GBP1: variants seen among roughly 807,000 people sequenced by gnomAD.
GBP1 encodes the protein guanylate binding protein 1, also known as guanylate-binding protein 1.
In GBP1, 64 loss-of-function variants were observed where a neutral mutation model predicts 69.5. The observed-to-expected ratio is 0.92, with a 90% confidence interval of 0.75 to 1.13. The LOEUF (loss-of-function observed/expected upper bound fraction) is 1.13. Among genes scored for constraint, GBP1 ranks in the 50% most tolerant of loss-of-function variants. The pLI, the probability that GBP1 is intolerant of heterozygous loss-of-function variation, is 0.00. For synonymous variants in GBP1, 250 were observed against 261.2 expected, an observed-to-expected ratio of 0.96 and a Z score of 0.41; for missense variants, 630 against 704.1, an observed-to-expected ratio of 0.89 and a Z score of 1.19.
rs1570939231 is a variant in GBP1, at chr1:89,059,522, T to C, written c.319-96A>G. 4.2e-6 allele frequency: 5 copies of C among 1,184,798 alleles called. No individual in the cohort carries two copies. In the East Asian group the frequency reaches 7.6e-5, roughly 18 times the overall value. 73.4% of individuals were successfully genotyped at this position (1,184,798 alleles called of 1,614,324 possible). Reference sequence around the variant, plus strand: ...AAAACTATGTTCATATGTTAGAGGGTTTTTTTTTCTTTTCTTTTTTTTTTT... The same window carrying C: ...AAAACTATGTTCATATGTTAGAGGGCTTTTTTTTCTTTTCTTTTTTTTTTT... On this transcript the variant is annotated intron_variant, in intron 3 of 10. Transcript: ENST00000370473.
In GBP1 at chr1:89,059,409, G is replaced by T; in HGVS notation, c.336C>A (p.Asp112Glu). Residue 112 changes from aspartate (D) to glutamate (E), a missense_variant, in exon 4 of 11, where the codon GAC (aspartate) becomes GAA (glutamate). Coordinates refer to ENST00000370473, the MANE Select transcript of GBP1 (RefSeq NM_002053.3). The stretch of plus-strand genomic sequence containing the variant: ...GGACGGCCAGGGCGAAGATCCAGGA[G>T]TCATTCTGGTTGTCACCCTGGAAGT... ...GDVEKGDNQN[D>E]SWIFALAVLL... The T allele has an allele frequency of 1.2e-6, 2 of 1,614,034 alleles. No individual in the cohort carries two copies. The highest frequency in any genetic ancestry group is 1.7e-6 in the Non-Finnish European group (2 of 1,179,946).
In GBP1 at chr1:89,063,167, G is replaced by T. The variant is rs149277121; in HGVS notation, c.68C>A (p.Ala23Glu). The T allele has an allele frequency of 1.2e-6, 2 of 1,613,936 alleles. No individual in the cohort carries two copies. The highest frequency in any genetic ancestry group is 1.7e-6 in the Non-Finnish European group (2 of 1,179,970). The change falls in exon 2 of 11, where the codon GCG (alanine) becomes GAG (glutamate). Residue 23 changes from alanine to glutamate, a missense_variant. By Grantham distance (107) the Ala-to-Glu change is moderately radical. This residue lies in a region of GBP1 where 131 missense variants were observed against 138.5 expected (regional missense o/e 0.95). Coordinates refer to ENST00000370473, the MANE Select transcript of GBP1 (RefSeq NM_002053.3). ...AAGGATCTTCAGAGCTTCTGGATTC[G>T]CCATCAGTCGCCCATTAGTGTTCTC... Reference protein sequence around the residue: ...LIENTNGRLMANPEALKILSA... With the variant: ...LIENTNGRLMENPEALKILSA...
At chr1:89,061,398 C>G (rs1438247123) in intron 2 of GBP1, among the ~76,000 whole-genome samples, 3 of 152,008 alleles carry the variant, frequency 2.0e-5, no homozygotes, top group Admixed American at 1.3e-4. Context: ...GTATGGGTGT[C>G]AAGATCATTT....
chr1:89,058,847 T>C lies in GBP1; in HGVS notation c.625A>G (p.Lys209Glu). The change falls in exon 5 of 11, where the codon AAG (lysine) becomes GAG (glutamate). Residue 209 changes from lysine to glutamate, a missense_variant. Around this residue, in one of 5 missense-constraint regions of GBP1, gnomAD observed 367 missense variants for 369.5 expected, o/e 0.99. Coordinates refer to ENST00000370473, the MANE Select transcript of GBP1 (RefSeq NM_002053.3). ...DEYLTYSLKL[K>E]KGTSQKDETF... ...AGTTGAAGCTCTCTGTTACCTTTCT[T>C]CAGCTTCAGGGAGTATGTCAGGTAC... 6.2e-7 allele frequency: 1 copy of C among 1,614,122 alleles called. No individual in the cohort carries two copies. Among genetic ancestry groups the C allele is most frequent in the Non-Finnish European group, 8.5e-7 (1 of 1,179,946 alleles).
intron 7 of GBP1, among the ~76,000 whole-genome samples, chr1:89,056,557 T>C (rs555930134): frequency 1.3e-5 from 2 of 152,246 alleles, no homozygotes; most frequent in East Asian, 1.9e-4. Flanking sequence ...ATTTTCTTTG[T>C]GTTTGGCTAG....
Position 89,053,479 on chromosome 1 carries a change from A to T in GBP1, c.1666-11T>A. 2 of 1,612,332 alleles carry T rather than the reference A, an allele frequency of 1.2e-6. No homozygotes were observed. Among genetic ancestry groups the T allele is most frequent in the Non-Finnish European group, 1.7e-6 (2 of 1,179,588 alleles). On this transcript the variant is annotated splice_polypyrimidine_tract_variant and intron_variant, in intron 10 of 10. Coordinates refer to ENST00000370473, the MANE Select transcript of GBP1 (RefSeq NM_002053.3). Reference sequence around the variant, plus strand: ...TAGTTGCTCCTGTTCCTAAAAAGGGACAAACGAAGGCTGAGTAAAGTGTAG... The same window carrying T: ...TAGTTGCTCCTGTTCCTAAAAAGGGTCAAACGAAGGCTGAGTAAAGTGTAG...
Position 89,064,240 on chromosome 1 carries a change from T to TGTGA in GBP1, c.-20+919_-20+920insTCAC, listed in dbSNP as rs1243424526. On this transcript the variant is annotated intron_variant, in intron 1 of 10. Coordinates refer to ENST00000370473, the MANE Select transcript of GBP1 (RefSeq NM_002053.3). Reference sequence around the variant, plus strand: ...GTGTGTGTGTGTGTGTGTGTGTGTGTGAGAGAGAGAGAGAGAGAGAGAGAG... The same window carrying TGTGA: ...GTGTGTGTGTGTGTGTGTGTGTGTGTGTGAGAGAGAGAGAGAGAGAGAGAGAGAG... Among the ~76,000 whole-genome samples the TGTGA allele has an allele frequency of 1.5e-3, 146 of 100,046 alleles. 3 individuals are homozygous for TGTGA. The highest frequency in any genetic ancestry group is 5.0e-3 in the African/African-American group (121 of 24,218). 65.6% of individuals were successfully genotyped at this position (100,046 alleles called of 152,430 possible).
In GBP1 at chr1:89,053,279, T is replaced by C. The variant is rs1570933985; in HGVS notation, c.*76A>G. The C allele has an allele frequency of 2.8e-6, 3 of 1,059,290 alleles. No homozygotes were observed. The highest frequency in any genetic ancestry group is 2.8e-6 in the Non-Finnish European group (2 of 716,200). The allele number at this position is 1,059,290 out of a possible 1,614,324, so 65.6% of individuals were successfully genotyped here. ...GATGCAAGATCTAATTATTATCAAATGTAGTGACGCTTGTTCCAAATTCTA... is the reference window on the plus strand; with the variant it reads ...GATGCAAGATCTAATTATTATCAAACGTAGTGACGCTTGTTCCAAATTCTA... On this transcript the variant is annotated 3_prime_UTR_variant, in exon 11 of 11. Transcript: ENST00000370473.
intron 10 of GBP1, 78 bp from the exon 11 acceptor site, chr1:89,053,546 A>G (rs1679970678): frequency 6.5e-7 from 1 of 1,542,946 alleles, no homozygotes; most frequent in South Asian, 1.2e-5. Context: ...TCCACATTAA[A>G]TGATTTGTTA....
intron 1 of GBP1, among the ~76,000 whole-genome samples, 188 bp downstream of exon 1, chr1:89,064,972 T>A (rs1570286129): frequency 6.6e-6 from 1 of 152,224 alleles, no homozygotes; most frequent in East Asian, 1.9e-4. Context: ...CAGGATTTCA[T>A]CTGACCTGCG....
In GBP1 at chr1:89,056,120, C is replaced by T. The variant is rs778282353; in HGVS notation, c.1264G>A (p.Val422Met). ...QVIFSPLEEE[V>M]KAGIYSKPGG... ...GGTTTCGAATAAATTCCCGCCTTCA[C>T]TTCTTCTTCTAGAGGACTGAAAATG... Residue 422 changes from valine to methionine, a missense_variant, in exon 8 of 11, where the codon GTG becomes ATG. Val to Met is a conservative substitution (Grantham distance 21). Around this residue, in one of 5 missense-constraint regions of GBP1, gnomAD observed 367 missense variants for 369.5 expected, o/e 0.99. Transcript: ENST00000370473. 5 of 1,613,818 alleles carry T rather than the reference C, an allele frequency of 3.1e-6. No homozygotes were observed. The South Asian group carries it at 3.3e-5, about 11-fold the overall frequency.
At chr1:89,059,637 GT>G (rs1680134782) in intron 3 of GBP1, among the ~76,000 whole-genome samples, 1 of 149,384 alleles carries the variant, frequency 6.7e-6, no homozygotes, top group Non-Finnish European at 1.5e-5. Flanking sequence ...TTCGACGAGT[GT>G]TTTTGGGTTA....
chr1:89,061,113 C>G, intron 2 of GBP1, among the ~76,000 whole-genome samples: 1 of 152,060 alleles, frequency 6.6e-6, no homozygotes, highest in East Asian at 1.9e-4. Context: ...TCACTACTAC[C>G]CAAAGTGATG....
At chr1:89,056,797 C>T (rs912829282) in intron 7 of GBP1, 57 bp downstream of exon 7, 2 of 1,540,248 alleles carry the variant, frequency 1.3e-6, no homozygotes, top group African/African-American at 2.8e-5. Context: ...GTTTTCTTTC[C>T]TTGTGGTACT....
chr1:89,053,447 C>G lies in GBP1; in HGVS notation c.1687G>C (p.Glu563Gln), dbSNP rs1333019693. The part of the protein sequence containing the change: ...KLQEQEQLLK[E>Q]GFQKESRIMK... ...ATTCTGCTTTCTTTTTGAAATCCCT[C>G]TTTTAGTAGTTGCTCCTGTTCCTAA... Residue 563 changes from glutamate (E) to glutamine (Q), a missense_variant, in exon 11 of 11, where the codon GAG becomes CAG. Around this residue, in one of 5 missense-constraint regions of GBP1, gnomAD observed 71 missense variants for 72.7 expected, o/e 0.98. Transcript: ENST00000370473. 6.2e-7 allele frequency: 1 copy of G among 1,613,612 alleles called. No individual in the cohort carries two copies. The highest frequency in any genetic ancestry group is 1.3e-5 in the African/African-American group (1 of 74,872).
At position 89,063,029 on chromosome 1, in the gene GBP1, T is replaced by G. The variant is rs1473054789; in HGVS notation, c.190+16A>C. The G allele has an allele frequency of 1.2e-6, 2 of 1,613,354 alleles. No individual in the cohort carries two copies. The highest frequency in any genetic ancestry group is 1.7e-6 in the Non-Finnish European group (2 of 1,179,600). ...GGACAGAAGGGACTTGGCAGAGCTT[T>G]GCTCATGCCACTCACCCTTTTTCTT... is the stretch of plus-strand genomic sequence containing the variant. On this transcript the variant is annotated intron_variant, in intron 2 of 10. Coordinates refer to ENST00000370473, the MANE Select transcript of GBP1 (RefSeq NM_002053.3).
At chr1:89,059,971 A>G (rs1217620455) in intron 3 of GBP1, among the ~76,000 whole-genome samples, 1 of 152,246 alleles carries the variant, frequency 6.6e-6, no homozygotes, top group Non-Finnish European at 1.5e-5. Flanking sequence ...TTAGTGACAG[A>G]ATTTAAATTT....
chr1:89,059,531 CTTTTCT>C, intron 3 of GBP1, 105 bp from the exon 4 acceptor site: 2 of 836,654 alleles, frequency 2.4e-6, no homozygotes, highest in Non-Finnish European at 3.3e-6. Flanking sequence ...GTTTTTTTTT[CTTTTCT>C]TTTTTTTTTT....
Position 89,052,891 on chromosome 1 carries a change from A to G in GBP1, c.*464T>C, listed in dbSNP as rs1679951471. 1 of 152,860 alleles carries G rather than the reference A, an allele frequency of 6.5e-6. No homozygotes were observed. The highest frequency in any genetic ancestry group is 6.5e-5 in the Admixed American group (1 of 15,306). The allele number at this position is 152,860 out of a possible 1,614,324, so 9.5% of individuals were successfully genotyped here. ...CATCAGTGAGGATTATACATGGGCAATGTCCAGAAATCACATTATTGCTCA... is the reference window on the plus strand; with the variant it reads ...CATCAGTGAGGATTATACATGGGCAGTGTCCAGAAATCACATTATTGCTCA... On this transcript the variant is annotated 3_prime_UTR_variant, in exon 11 of 11. Coordinates refer to ENST00000370473, the MANE Select transcript of GBP1 (RefSeq NM_002053.3).
Sources: allele counts gnomAD v4.1 joint callset (sites outside exome capture counted in the v4.1 genomes callset), GRCh38; gene constraint gnomAD v4.1.1; regional missense constraint gnomAD v4.1.1; transcripts MANE v1.5; gene names NCBI Gene and HGNC (gene_info 2026-07-23, HGNC 2026-07-21).